PIBF1: variants seen among roughly 807,000 people sequenced by gnomAD.
PIBF1 encodes the protein progesterone-induced-blocking factor 1.
In PIBF1, 90 loss-of-function variants were observed where a neutral mutation model predicts 112.5. That is an observed-to-expected ratio of 0.80 (90% CI 0.67 to 0.95). The LOEUF (loss-of-function observed/expected upper bound fraction) is 0.95, where lower values mean the gene tolerates loss of function less well. Among genes scored for constraint, PIBF1 ranks in the 40% least tolerant of loss-of-function variants. PIBF1 has a pLI of 0.00. For synonymous variants in PIBF1, 301 were observed against 288.6 expected, an observed-to-expected ratio of 1.04 and a Z score of -0.44; for missense variants, 915 against 852.3, an observed-to-expected ratio of 1.07 and a Z score of -0.92.
chr13:72,845,744 CTAAT>C (rs760774014), intron 9 of PIBF1, among the ~76,000 whole-genome samples: 15 of 152,140 alleles, frequency 9.9e-5, no homozygotes, highest in African/African-American at 2.9e-4. Context: ...TTGCATTTCT[CTAAT>C]TATCAGTGAT....
intron 16 of PIBF1, among the ~76,000 whole-genome samples, chr13:72,975,346 C>T (rs908460321): frequency 9.9e-5 from 15 of 152,084 alleles, no homozygotes; most frequent in African/African-American, 3.4e-4. Flanking sequence ...TGAGCCACCG[C>T]GCCCGACCAG....
chr13:72,998,625 T>TA (rs796336358), intron 16 of PIBF1, among the ~76,000 whole-genome samples, 197 bp from the exon 17 acceptor site: 24 of 152,332 alleles, frequency 1.6e-4, no homozygotes, highest in African/African-American at 5.8e-4. Flanking sequence ...TATAGAATGT[T>TA]GTAATTGTCA....
intron 15 of PIBF1, among the ~76,000 whole-genome samples, chr13:72,973,027 T>A (rs1448210726): frequency 6.6e-6 from 1 of 152,228 alleles, no homozygotes; most frequent in Non-Finnish European, 1.5e-5. Context: ...TAGTAAATAG[T>A]CATCTTTAAA....
At chr13:72,905,086 C>T (rs1257953244) in intron 11 of PIBF1, among the ~76,000 whole-genome samples, 2 of 135,466 alleles carry the variant, frequency 1.5e-5, no homozygotes, top group Non-Finnish European at 3.2e-5. Context: ...TTTTTGGAGA[C>T]AGAGTCTCAC....
chr13:72,995,948 CAA>C (rs35193072), intron 16 of PIBF1, among the ~76,000 whole-genome samples: 1 of 124,686 alleles, frequency 8.0e-6, no homozygotes, highest in Non-Finnish European at 1.7e-5. Flanking sequence ...GACTCCATCT[CAA>C]AAAAAAAAAG....
At chr13:72,986,651 A>G (rs1200382825) in intron 16 of PIBF1, among the ~76,000 whole-genome samples, 2 of 145,984 alleles carry the variant, frequency 1.4e-5, no homozygotes, top group African/African-American at 5.0e-5. Context: ...TAGATAGGGT[A>G]TAGCTCCAAA....
At chr13:72,821,075 A>G (rs927746463) in intron 5 of PIBF1, among the ~76,000 whole-genome samples, 4 of 152,180 alleles carry the variant, frequency 2.6e-5, no homozygotes, top group African/African-American at 9.7e-5. Flanking sequence ...ACAAGCATTT[A>G]GATTATATGC....
Position 73,005,958 on chromosome 13 carries a change from C to T in PIBF1, c.2223+6963C>T, listed in dbSNP as rs1000199954. Among the ~76,000 whole-genome samples, 204 of 138,138 alleles carry T rather than the reference C, an allele frequency of 1.5e-3. 1 individual carries two copies. Among genetic ancestry groups the T allele is most frequent in the African/African-American group, 5.2e-3 (194 of 37,502 alleles). 90.6% of individuals were successfully genotyped at this position (138,138 alleles called of 152,430 possible). The stretch of plus-strand genomic sequence containing the variant: ...TTTTTGAAATGGAGTCTTGCTCTGT[C>T]GCCCAGGCTGGAGTGCAATGGTGCA... On this transcript the variant is annotated intron_variant, in intron 17 of 17. Transcript: ENST00000326291.
chr13:72,993,196 A>G (rs1435663692), intron 16 of PIBF1, among the ~76,000 whole-genome samples: 1 of 152,028 alleles, frequency 6.6e-6, no homozygotes, highest in Non-Finnish European at 1.5e-5. Context: ...TGGTTGGTGC[A>G]TGCCTGTAGA....
At chr13:72,928,935 A>G (rs2041620791) in intron 13 of PIBF1, among the ~76,000 whole-genome samples, 1 of 152,208 alleles carries the variant, frequency 6.6e-6, no homozygotes. Context: ...TGACCTCTGC[A>G]TCTCATTTTC....
At chr13:72,875,303 A>G (rs1010293512) in intron 10 of PIBF1, among the ~76,000 whole-genome samples, 1 of 152,196 alleles carries the variant, frequency 6.6e-6, no homozygotes, top group African/African-American at 2.4e-5. Flanking sequence ...CTGTTCACCT[A>G]CTGAAGGACA....
intron 5 of PIBF1, among the ~76,000 whole-genome samples, chr13:72,801,082 G>A (rs1397967367): frequency 6.6e-6 from 1 of 152,182 alleles, no homozygotes; most frequent in Non-Finnish European, 1.5e-5. Flanking sequence ...AATATGACTG[G>A]TATGCTTGAA....
chr13:72,981,330 A>T (rs2043152390), intron 16 of PIBF1, among the ~76,000 whole-genome samples: 1 of 151,798 alleles, frequency 6.6e-6, no homozygotes, highest in South Asian at 2.1e-4. Flanking sequence ...AAAGCTAGAG[A>T]TTACACAATT....
At chr13:72,916,094 T>A (rs1395432878) in intron 12 of PIBF1, among the ~76,000 whole-genome samples, 3 of 151,964 alleles carry the variant, frequency 2.0e-5, no homozygotes, top group Admixed American at 6.6e-5. Context: ...TTTTTGATGA[T>A]GAAATGTTTT....
chr13:72,968,055 G>A (rs1251540439), intron 15 of PIBF1, among the ~76,000 whole-genome samples: 16 of 151,634 alleles, frequency 1.1e-4, no homozygotes, highest in African/African-American at 3.9e-4. Context: ...GTAGTGGCGG[G>A]CGCCTGTAGT....
intron 15 of PIBF1, chr13:72,969,652 C>T (rs1415585434): frequency 6.6e-6 from 1 of 152,138 alleles, no homozygotes; most frequent in Non-Finnish European, 1.5e-5. Flanking sequence ...GTTCTGTATA[C>T]CCACATTCCT....
intron 16 of PIBF1, among the ~76,000 whole-genome samples, chr13:72,986,105 G>A (rs1207178308): frequency 6.6e-6 from 1 of 152,140 alleles, no homozygotes; most frequent in Non-Finnish European, 1.5e-5. Flanking sequence ...CAAGGCTGTA[G>A]TGAGCTGTGC....
chr13:72,854,272 A>C, intron 10 of PIBF1, 117 bp downstream of exon 10: 1 of 635,612 alleles, frequency 1.6e-6, no homozygotes, highest in Non-Finnish European at 2.7e-6. Context: ...AGGAGAGACT[A>C]ATTTTCATTT....
At chr13:72,948,870 A>T (rs1262509318) in intron 14 of PIBF1, among the ~76,000 whole-genome samples, 1 of 152,222 alleles carries the variant, frequency 6.6e-6, no homozygotes, top group Non-Finnish European at 1.5e-5. Context: ...CGAGAACAGC[A>T]TGAGCGTAAC....
Sources: gnomAD v4.1 joint callset for allele counts (sites outside exome capture counted in the v4.1 genomes callset) on GRCh38, gnomAD v4.1.1 for gene constraint, MANE v1.5 for transcripts, NCBI Gene and HGNC (gene_info 2026-07-23, HGNC 2026-07-21) for gene names.